The following BTRC variants were observed in gnomAD, a reference collection of about 807,000 sequenced individuals.
BTRC encodes the protein F-box/WD repeat-containing protein 1A.
BTRC carries 42 observed loss-of-function variants against 85.5 expected under a neutral mutation model. The ratio of observed to expected loss-of-function variants is 0.49; its 90% CI spans 0.38 to 0.64. The LOEUF is 0.64. Among genes scored for constraint, BTRC ranks in the 30% least tolerant of loss-of-function variants. The pLI is 0.00. For missense variants in BTRC, 594 were observed against 743.5 expected, an observed-to-expected ratio of 0.80 and a Z score of 2.34; for synonymous variants, 255 against 263.3, an observed-to-expected ratio of 0.97 and a Z score of 0.30.
chr10:101,512,162 A>C (rs532794773), intron 4 of BTRC, among the ~76,000 whole-genome samples: 1 of 152,224 alleles, frequency 6.6e-6, no homozygotes. Flanking sequence ...TGATACCACT[A>C]AAGTTCCAGG....
chr10:101,367,912 C>G (rs866326455), intron 1 of BTRC, among the ~76,000 whole-genome samples: 7 of 152,078 alleles, frequency 4.6e-5, no homozygotes, highest in Non-Finnish European at 4.4e-5. Flanking sequence ...TAATCTTGTA[C>G]AGTTTTTCCT....
intron 1 of BTRC, among the ~76,000 whole-genome samples, chr10:101,380,946 A>AT (rs2133959203): frequency 6.6e-6 from 1 of 152,318 alleles, no homozygotes; most frequent in South Asian, 2.1e-4. Context: ...TGTACACTGA[A>AT]TCCTGTAAGC....
chr10:101,366,859 T>TATA lies in BTRC; in HGVS notation c.48+12631_48+12632insATA, dbSNP rs1491410755. ...ATATATTTATGTATATTAATATATA[T>TATA]TTATATATTAATATATATTTATATA... is the stretch of plus-strand genomic sequence containing the variant. On this transcript the variant is annotated intron_variant, in intron 1 of 14. Transcript: ENST00000370187. Among the ~76,000 whole-genome samples the TATA allele has an allele frequency of 8.3e-5, 2 of 24,010 alleles. 1 individual carries two copies. The highest frequency in any genetic ancestry group is 3.9e-4 in the African/African-American group (2 of 5,082). 15.8% of individuals were successfully genotyped at this position (24,010 alleles called of 152,430 possible).
intron 1 of BTRC, among the ~76,000 whole-genome samples, chr10:101,359,602 G>GTTTT (rs1331909705): frequency 9.5e-6 from 1 of 104,782 alleles, no homozygotes; most frequent in Non-Finnish European, 2.4e-5. Context: ...TAATTTTGTT[G>GTTTT]TATTTTTTTT....
chr10:101,438,263 A>G (rs915559150), intron 2 of BTRC, among the ~76,000 whole-genome samples: 3 of 151,886 alleles, frequency 2.0e-5, no homozygotes, highest in African/African-American at 7.3e-5. Context: ...CGTCTTTACT[A>G]AAAATACAAA....
chr10:101,434,721 G>A (rs750374889), intron 2 of BTRC, among the ~76,000 whole-genome samples: 9 of 151,904 alleles, frequency 5.9e-5, no homozygotes, highest in African/African-American at 1.9e-4. Flanking sequence ...TTAAGCCCAG[G>A]AGTTCAGGGC....
intron 4 of BTRC, among the ~76,000 whole-genome samples, chr10:101,505,622 A>G (rs1408762983): frequency 1.6e-5 from 2 of 125,652 alleles, no homozygotes; most frequent in Admixed American, 8.1e-5. Flanking sequence ...TCCGTCTCAA[A>G]AAAATAAAAA....
At chr10:101,444,987 T>C (rs1944783676) in intron 2 of BTRC, among the ~76,000 whole-genome samples, 1 of 152,190 alleles carries the variant, frequency 6.6e-6, no homozygotes, top group Non-Finnish European at 1.5e-5. Flanking sequence ...TTGAAAGATA[T>C]TACACAATGA....
rs187993156 is a variant in BTRC, at chr10:101,451,177, G to A, written c.157-10804G>A. On this transcript the variant is annotated intron_variant, in intron 2 of 14. Transcript: ENST00000370187. ...AGGAATAGTTTGACAGTTGTAATCA[G>A]GTAGCAGTATTAAAAGAACAGAAAA... Among the ~76,000 whole-genome samples, 58 of 152,226 alleles carry A rather than the reference G, an allele frequency of 3.8e-4. No individual in the cohort carries two copies. The East Asian group carries it at 0.011, about 28-fold the overall frequency.
intron 1 of BTRC, among the ~76,000 whole-genome samples, chr10:101,392,305 T>TA (rs1371781573): frequency 2.6e-5 from 4 of 152,144 alleles, no homozygotes; most frequent in Non-Finnish European, 4.4e-5. Flanking sequence ...TGAGCACACT[T>TA]AAGTTTTTTG....
intron 4 of BTRC, among the ~76,000 whole-genome samples, chr10:101,500,228 T>C (rs541265520): frequency 2.1e-4 from 32 of 152,206 alleles, no homozygotes; most frequent in Non-Finnish European, 7.4e-5. Context: ...CTATATGGTA[T>C]ACCTATTACT....
chr10:101,531,436 G>T, intron 7 of BTRC, 103 bp downstream of exon 7: 1 of 877,990 alleles, frequency 1.1e-6, no homozygotes, highest in Non-Finnish European at 1.8e-6. Flanking sequence ...TTATTGACAT[G>T]AGTTGGGAAT....
intron 2 of BTRC, among the ~76,000 whole-genome samples, chr10:101,439,533 C>T (rs1315272961): frequency 6.6e-6 from 1 of 152,196 alleles, no homozygotes; most frequent in African/African-American, 2.4e-5. Context: ...AAATATTGAA[C>T]TGTCAGAATG....
intron 1 of BTRC, among the ~76,000 whole-genome samples, chr10:101,394,387 A>G (rs1418690012): frequency 2.6e-5 from 4 of 152,210 alleles, no homozygotes; most frequent in African/African-American, 9.6e-5. Flanking sequence ...AAATCATTGA[A>G]AAAGTATTCT....
At position 101,366,821 on chromosome 10, in the gene BTRC, A is replaced by T. The variant is rs12219124; in HGVS notation, c.48+12593A>T. On this transcript the variant is annotated intron_variant, in intron 1 of 14. Transcript: ENST00000370187. ...ATTTATATATATATTTATATATATT[A>T]ATATATATTTATATATATTTATGTA... Among the ~76,000 whole-genome samples, 263 of 49,322 alleles carry T rather than the reference A, an allele frequency of 5.3e-3. 27 individuals are homozygous for T. Among genetic ancestry groups the T allele is most frequent in the African/African-American group, 0.025 (230 of 9,124 alleles). 32.4% of individuals were successfully genotyped at this position (49,322 alleles called of 152,430 possible). A position where few individuals can be genotyped will look rare whatever the true frequency, so the allele number is the denominator to read the frequency against.
At chr10:101,413,390 T>C (rs1943837583) in intron 1 of BTRC, among the ~76,000 whole-genome samples, 1 of 152,232 alleles carries the variant, frequency 6.6e-6, no homozygotes, top group Non-Finnish European at 1.5e-5. Context: ...CTCGGCTCAC[T>C]GCAGGCTCCG....
intron 2 of BTRC, among the ~76,000 whole-genome samples, chr10:101,438,589 G>A (rs1477182519): frequency 6.6e-6 from 1 of 151,956 alleles, no homozygotes; most frequent in African/African-American, 2.4e-5. Context: ...TTAAAAGAAA[G>A]TACATAATTA....
chr10:101,552,784 TGGCACCGCCATGCTC>T (rs960669542), intron 14 of BTRC, among the ~76,000 whole-genome samples: 8 of 152,162 alleles, frequency 5.3e-5, no homozygotes, highest in African/African-American at 1.9e-4. Context: ...CTTCTGTTAC[TGGCACCGCCATGCTC>T]ATGGCCACTC....
intron 5 of BTRC, among the ~76,000 whole-genome samples, chr10:101,524,833 G>A (rs947901755): frequency 6.6e-6 from 1 of 152,048 alleles, no homozygotes; most frequent in Non-Finnish European, 1.5e-5. Context: ...GCTTACATAC[G>A]AACATGTGAT....
Sources: allele counts gnomAD v4.1 joint callset (sites outside exome capture counted in the v4.1 genomes callset), GRCh38; gene constraint gnomAD v4.1.1; transcripts MANE v1.5; gene names NCBI Gene and HGNC (gene_info 2026-07-23, HGNC 2026-07-21).